Variants in PTPRT observed in about 807,000 individuals in gnomAD.
The protein encoded by PTPRT is protein tyrosine phosphatase receptor type T.
PTPRT carries 56 observed loss-of-function variants against 176.8 expected under a neutral mutation model. The observed-to-expected ratio is 0.32, with a 90% CI of 0.26 to 0.40. The LOEUF is 0.40. PTPRT is among the 10% of genes least tolerant of loss of function. The pLI is 1.00. For missense variants in PTPRT, 1,540 were observed against 1,908.2 expected (o/e 0.81, Z 3.60); for synonymous variants, 783 against 739.0 (o/e 1.06, Z -0.96).
chr20:42,638,481 C>T (rs976735039), intron 7 of PTPRT, among the ~76,000 whole-genome samples: 9 of 152,128 alleles, frequency 5.9e-5, no homozygotes, highest in East Asian at 1.9e-4. Flanking sequence ...ATATATGACT[C>T]ATATTATTCA....
intron 1 of PTPRT, among the ~76,000 whole-genome samples, chr20:43,070,146 T>C (rs2011161051): frequency 6.6e-6 from 1 of 152,170 alleles, no homozygotes; most frequent in African/African-American, 2.4e-5. Flanking sequence ...CTCTCCAAAC[T>C]TTCAAGATGC....
chr20:43,153,379 T>C (rs149262230), intron 1 of PTPRT, among the ~76,000 whole-genome samples: 1 of 152,358 alleles, frequency 6.6e-6, no homozygotes, highest in African/African-American at 2.4e-5. Flanking sequence ...TAGAAATTTT[T>C]ACTTATTTTC....
At chr20:42,857,644 C>A (rs148180154) in intron 2 of PTPRT, among the ~76,000 whole-genome samples, 2,044 of 152,302 alleles carry the variant, frequency 0.013, 22 homozygotes, top group Non-Finnish European at 0.022. Context: ...GATAATCTCC[C>A]TGTCTGTGTC....
chr20:42,653,085 TGTC>T (rs1486381348), intron 7 of PTPRT, among the ~76,000 whole-genome samples: 1 of 152,148 alleles, frequency 6.6e-6, no homozygotes, highest in Non-Finnish European at 1.5e-5. Flanking sequence ...AGTACTCACA[TGTC>T]GTGGGAGGGA....
At chr20:42,195,773 C>A (rs73262920) in intron 16 of PTPRT, among the ~76,000 whole-genome samples, 2,231 of 151,908 alleles carry the variant, frequency 0.015, 48 homozygotes, top group African/African-American at 0.052. Flanking sequence ...AGGTTTATAC[C>A]TCTCTCTGTA....
chr20:42,315,213 A>G (rs1038117070), intron 12 of PTPRT, among the ~76,000 whole-genome samples: 22 of 33,872 alleles, frequency 6.5e-4, no homozygotes, highest in African/African-American at 2.5e-3. Context: ...AAAAAAAAAA[A>G]TGGTTACCTT....
At chr20:42,832,665 A>G (rs1441242278) in intron 2 of PTPRT, among the ~76,000 whole-genome samples, 1 of 151,160 alleles carries the variant, frequency 6.6e-6, no homozygotes, top group African/African-American at 2.4e-5. Flanking sequence ...ATGGCTTAGA[A>G]GATGAAGTTG....
intron 7 of PTPRT, among the ~76,000 whole-genome samples, chr20:42,604,653 G>A (rs1176698466): frequency 2.6e-5 from 4 of 152,190 alleles, no homozygotes; most frequent in African/African-American, 7.2e-5. Flanking sequence ...GCTAGGTGGA[G>A]ATGCTTGCAC....
chr20:42,567,291 AAG>A (rs200210899), intron 7 of PTPRT, among the ~76,000 whole-genome samples: 1 of 150,512 alleles, frequency 6.6e-6, no homozygotes, highest in African/African-American at 2.5e-5. Flanking sequence ...AAAAAAATAA[AAG>A]AGAGAGAGAG....
intron 4 of PTPRT, among the ~76,000 whole-genome samples, chr20:42,779,759 A>T (rs1476478059): frequency 1.3e-5 from 2 of 152,168 alleles, no homozygotes; most frequent in African/African-American, 4.8e-5. Context: ...GAGTATATTT[A>T]AAATTATTTT....
intron 15 of PTPRT, among the ~76,000 whole-genome samples, chr20:42,221,096 G>A (rs893046209): frequency 9.2e-5 from 14 of 152,138 alleles, no homozygotes; most frequent in African/African-American, 3.4e-4. Flanking sequence ...CGCTTCCCGG[G>A]TTCAAGAAGC....
intron 1 of PTPRT, among the ~76,000 whole-genome samples, chr20:43,087,302 C>G (rs2146299223): frequency 6.7e-6 from 1 of 149,914 alleles, no homozygotes; most frequent in South Asian, 2.1e-4. Context: ...ACCGAGACTT[C>G]AAAATGGTGC....
intron 15 of PTPRT, among the ~76,000 whole-genome samples, chr20:42,228,614 C>T (rs1431236998): frequency 3.3e-5 from 5 of 152,238 alleles, no homozygotes; most frequent in South Asian, 2.1e-4. Context: ...CTATCATCAC[C>T]GTAGGCCAAA....
intron 11 of PTPRT, among the ~76,000 whole-genome samples, chr20:42,324,597 G>T (rs1398818582): frequency 6.6e-6 from 1 of 152,114 alleles, no homozygotes; most frequent in East Asian, 1.9e-4. Context: ...CTATGCTTTG[G>T]CATTTAAGTA....
chr20:42,378,589 T>C (rs1031915230), intron 9 of PTPRT, among the ~76,000 whole-genome samples: 1 of 152,216 alleles, frequency 6.6e-6, no homozygotes, highest in Non-Finnish European at 1.5e-5. Flanking sequence ...ACCTGAGGCA[T>C]ATCTCAGTGA....
intron 2 of PTPRT, among the ~76,000 whole-genome samples, chr20:42,803,939 ACC>A (rs1467642229): frequency 1.3e-5 from 2 of 152,036 alleles, no homozygotes; most frequent in African/African-American, 4.8e-5. Flanking sequence ...TCCAATCCCT[ACC>A]CCAGTGAGGG....
chr20:42,189,527 C>G (rs1990911382), intron 16 of PTPRT, among the ~76,000 whole-genome samples: 1 of 152,154 alleles, frequency 6.6e-6, no homozygotes, highest in African/African-American at 2.4e-5. Flanking sequence ...AAAGGAACAC[C>G]TCAGCTACTC....
chr20:43,044,731 G>C (rs892272138), intron 1 of PTPRT, among the ~76,000 whole-genome samples: 1 of 152,192 alleles, frequency 6.6e-6, no homozygotes, highest in Non-Finnish European at 1.5e-5. Context: ...CTCAGCACAG[G>C]GTTCTTCTCA....
intron 11 of PTPRT, among the ~76,000 whole-genome samples, chr20:42,330,326 A>C (rs2057949629): frequency 6.6e-6 from 1 of 151,964 alleles, no homozygotes; most frequent in Admixed American, 6.6e-5. Flanking sequence ...CAAAAAAATT[A>C]GCTGGGCGTG....
Sources: gnomAD v4.1 joint callset for allele counts (sites outside exome capture counted in the v4.1 genomes callset) on GRCh38, gnomAD v4.1.1 for gene constraint, MANE v1.5 for transcripts, NCBI Gene and HGNC (gene_info 2026-07-23, HGNC 2026-07-21) for gene names.